Variants in CNTNAP2 observed in about 807,000 individuals in gnomAD.
The protein encoded by CNTNAP2 is contactin associated protein 2.
In CNTNAP2, 98 loss-of-function variants were observed where a neutral mutation model predicts 155.2. The ratio of observed to expected loss-of-function variants is 0.63; its 90% CI spans 0.54 to 0.75. The LOEUF (loss-of-function observed/expected upper bound fraction) is 0.75. Among genes scored for constraint, CNTNAP2 ranks in the 30% least tolerant of loss-of-function variants. The probability of loss-of-function intolerance (pLI) is 0.00; values close to 1 mark genes in which losing one functional copy is unlikely to be tolerated. For missense variants in CNTNAP2, 1,727 were observed against 1,688.1 expected (o/e 1.02, Z -0.40); for synonymous variants, 651 against 631.2 (o/e 1.03, Z -0.47).
chr7:146,663,295 AAAAG>A (rs1328784126), intron 1 of CNTNAP2, among the ~76,000 whole-genome samples: 1,000 of 40,992 alleles, frequency 0.024, 25 homozygotes, highest in East Asian at 0.054. Context: ...AAAAAAAAAA[AAAAG>A]AAAGAAAGAA....
chr7:148,293,609 T>C (rs1797231495), intron 21 of CNTNAP2, among the ~76,000 whole-genome samples: 1 of 152,224 alleles, frequency 6.6e-6, no homozygotes, highest in Non-Finnish European at 1.5e-5. Flanking sequence ...AGGATTTCCA[T>C]CTAACATTTT....
chr7:148,084,072 G>A (rs1172210167), intron 15 of CNTNAP2, among the ~76,000 whole-genome samples: 1 of 152,096 alleles, frequency 6.6e-6, no homozygotes, highest in Non-Finnish European at 1.5e-5. Context: ...TTTCTCTTTT[G>A]CTGCAACAAC....
At position 147,494,468 on chromosome 7, in the gene CNTNAP2, C is replaced by CA. The variant is rs10562874; in HGVS notation, c.1777+8445dup. 2.1e-3 allele frequency among the ~76,000 whole-genome samples: 247 copies of CA among 116,312 alleles called. 4 individuals carry two copies. The highest frequency in any genetic ancestry group is 2.5e-3 in the South Asian group (8 of 3,164). The allele number at this position is 116,312 out of a possible 152,430, so 76.3% of individuals were successfully genotyped here. A position where few individuals can be genotyped will look rare whatever the true frequency, so the allele number is the denominator to read the frequency against. On this transcript the variant is annotated intron_variant, in intron 11 of 23. Coordinates refer to ENST00000361727, the MANE Select transcript of CNTNAP2 (RefSeq NM_014141.6). ...ATATGTCTTTCTCTTTGAGTCTTGG[C>CA]AAAAAAAAAAAAAAAAAAGTTGATC...
At chr7:147,118,305 G>A (rs1007323147) in intron 5 of CNTNAP2, among the ~76,000 whole-genome samples, 1 of 151,806 alleles carries the variant, frequency 6.6e-6, no homozygotes, top group Non-Finnish European at 1.5e-5. Flanking sequence ...AAAATCATAA[G>A]GCAAAAAAAG....
At chr7:148,386,443 G>A (rs150181311) in intron 22 of CNTNAP2, among the ~76,000 whole-genome samples, 119 of 151,952 alleles carry the variant, frequency 7.8e-4, no homozygotes, top group African/African-American at 2.8e-3. Flanking sequence ...CAGGAGAATC[G>A]CTTGAACTTG....
At chr7:146,519,832 G>T (rs1277665170) in intron 1 of CNTNAP2, among the ~76,000 whole-genome samples, 1 of 151,758 alleles carries the variant, frequency 6.6e-6, no homozygotes, top group Non-Finnish European at 1.5e-5. Context: ...CAGTAATCAT[G>T]AAACCCCATG....
At chr7:148,004,570 T>C (rs1056484867) in intron 15 of CNTNAP2, among the ~76,000 whole-genome samples, 13 of 152,176 alleles carry the variant, frequency 8.5e-5, no homozygotes, top group African/African-American at 2.9e-4. Context: ...ACATTAATTA[T>C]TTTTTCTCAT....
At chr7:146,875,673 G>GT (rs1795404197) in intron 3 of CNTNAP2, among the ~76,000 whole-genome samples, 2 of 135,812 alleles carry the variant, frequency 1.5e-5, no homozygotes, top group Admixed American at 7.9e-5. Context: ...TTTGCTTTTG[G>GT]CGGGGGGGCA....
chr7:146,172,708 G>A (rs567106924), intron 1 of CNTNAP2, among the ~76,000 whole-genome samples: 1 of 152,184 alleles, frequency 6.6e-6, no homozygotes, highest in East Asian at 1.9e-4. Context: ...TAATTAATTA[G>A]CAACCATGTG....
chr7:147,886,475 C>CAAAAAA (rs532837902), intron 13 of CNTNAP2, among the ~76,000 whole-genome samples: 5 of 39,734 alleles, frequency 1.3e-4, no homozygotes, highest in East Asian at 2.8e-3. Context: ...AACTCCATCT[C>CAAAAAA]AAAAAAAAAA....
At chr7:147,895,106 T>C (rs1276643976) in intron 13 of CNTNAP2, among the ~76,000 whole-genome samples, 1 of 151,470 alleles carries the variant, frequency 6.6e-6, no homozygotes, top group Admixed American at 6.6e-5. Flanking sequence ...CCTGAGTAGC[T>C]GGGATTACAG....
At chr7:146,620,391 C>A (rs1413574604) in intron 1 of CNTNAP2, among the ~76,000 whole-genome samples, 1 of 152,158 alleles carries the variant, frequency 6.6e-6, no homozygotes, top group Non-Finnish European at 1.5e-5. Flanking sequence ...TTGATAATTA[C>A]TAGCTAGCTC....
intron 1 of CNTNAP2, among the ~76,000 whole-genome samples, chr7:146,348,484 C>G (rs981793681): frequency 3.9e-5 from 6 of 152,040 alleles, no homozygotes; most frequent in Non-Finnish European, 5.9e-5. Context: ...CCACACATAA[C>G]CTTAGTGAAA....
intron 11 of CNTNAP2, among the ~76,000 whole-genome samples, chr7:147,541,040 A>G (rs934183955): frequency 2.6e-5 from 4 of 152,330 alleles, no homozygotes; most frequent in Middle Eastern, 3.4e-3. Flanking sequence ...TTAAAATAAA[A>G]TGAGTTTTAG....
intron 2 of CNTNAP2, among the ~76,000 whole-genome samples, chr7:146,838,610 GC>G (rs1803661475): frequency 8.6e-6 from 1 of 116,880 alleles, no homozygotes; most frequent in Admixed American, 7.5e-5. Flanking sequence ...GAGCCACTGA[GC>G]CCAGTCAGTT....
At chr7:147,124,049 A>G (rs1801175160) in intron 6 of CNTNAP2, among the ~76,000 whole-genome samples, 1 of 152,128 alleles carries the variant, frequency 6.6e-6, no homozygotes, top group African/African-American at 2.4e-5. Flanking sequence ...TCTCAAAAAC[A>G]AAACAAAAAA....
rs999403032 is a variant in CNTNAP2, at chr7:148,420,824, G to A, written c.*5208G>A. The A allele has an allele frequency of 1.3e-5, 2 of 152,586 alleles. No homozygotes were observed. The highest frequency in any genetic ancestry group is 2.9e-5 in the Non-Finnish European group (2 of 68,038). The allele number at this position is 152,586 out of a possible 1,614,324, so 9.5% of individuals were successfully genotyped here. A position where few individuals can be genotyped will look rare whatever the true frequency, so the allele number is the denominator to read the frequency against. ...AAAGTCAAACAGGATTCCATCCCCTGTGAAATAACACAAAATTTCACTCTC... is the reference window on the plus strand; with the variant it reads ...AAAGTCAAACAGGATTCCATCCCCTATGAAATAACACAAAATTTCACTCTC... On this transcript the variant is annotated 3_prime_UTR_variant, in exon 24 of 24. Coordinates refer to ENST00000361727, the MANE Select transcript of CNTNAP2 (RefSeq NM_014141.6).
intron 3 of CNTNAP2, among the ~76,000 whole-genome samples, chr7:147,010,613 C>T (rs982678636): frequency 3.9e-5 from 6 of 152,016 alleles, no homozygotes; most frequent in Middle Eastern, 3.4e-3. Context: ...GTGATACTAC[C>T]GTATTATAAC....
intron 4 of CNTNAP2, among the ~76,000 whole-genome samples, chr7:147,089,010 AAGAGAG>A (rs150639100): frequency 7.1e-6 from 1 of 140,324 alleles, no homozygotes; most frequent in Non-Finnish European, 1.5e-5. Flanking sequence ...TAGAGAGAGA[AAGAGAG>A]AAAGAGAAAG....
Sources: gnomAD v4.1 joint callset for allele counts (sites outside exome capture counted in the v4.1 genomes callset) on GRCh38, gnomAD v4.1.1 for gene constraint, MANE v1.5 for transcripts, NCBI Gene and HGNC (gene_info 2026-07-23, HGNC 2026-07-21) for gene names.